Variants in KCNK10 observed in about 807,000 individuals in gnomAD.
The protein encoded by KCNK10 is potassium channel subfamily K member 10.
KCNK10 carries 25 observed loss-of-function variants against 47.7 expected under a neutral mutation model. The observed-to-expected ratio is 0.52, with a 90% CI of 0.38 to 0.73. KCNK10 has a LOEUF of 0.73. Among genes scored for constraint, KCNK10 ranks in the 30% least tolerant of loss-of-function variants. The probability of loss-of-function intolerance (pLI) is 0.00; values close to 1 mark genes in which losing one functional copy is unlikely to be tolerated. For missense variants in KCNK10, 563 were observed against 714.5 expected (o/e 0.79, Z 2.42); for synonymous variants, 303 against 285.6 (o/e 1.06, Z -0.61).
intron 3 of KCNK10, chr14:88,235,202 T>G (rs1183325562): frequency 2.2e-6 from 1 of 456,566 alleles, no homozygotes; most frequent in Non-Finnish European, 4.4e-6. Flanking sequence ...GGTGGTACCC[T>G]GACTCACCCT....
chr14:88,287,448 G>A (rs1312857422), intron 1 of KCNK10, among the ~76,000 whole-genome samples: 2 of 152,090 alleles, frequency 1.3e-5, no homozygotes, highest in African/African-American at 4.8e-5. Context: ...TACCCAATTT[G>A]CTGTCTTTTA....
chr14:88,239,227 C>G (rs991379076), intron 3 of KCNK10, among the ~76,000 whole-genome samples: 7 of 151,734 alleles, frequency 4.6e-5, no homozygotes, highest in African/African-American at 1.7e-4. Flanking sequence ...AACTCAACAT[C>G]TTCAAAGCAC....
intron 2 of KCNK10, among the ~76,000 whole-genome samples, chr14:88,245,409 G>A (rs537913469): frequency 2.0e-5 from 3 of 151,768 alleles, no homozygotes; most frequent in Non-Finnish European, 4.4e-5. Context: ...AGGCGGGTCT[G>A]TAGCTGATGC....
chr14:88,261,053 T>C (rs922740328), intron 2 of KCNK10, among the ~76,000 whole-genome samples: 3 of 152,252 alleles, frequency 2.0e-5, no homozygotes, highest in Non-Finnish European at 2.9e-5. Flanking sequence ...TAAGCTCAGA[T>C]AGCTTGTGAC....
intron 1 of KCNK10, among the ~76,000 whole-genome samples, chr14:88,271,324 C>T (rs1190879989): frequency 6.6e-6 from 1 of 152,196 alleles, no homozygotes; most frequent in Non-Finnish European, 1.5e-5. Context: ...CAAGTTCACA[C>T]ACCTGCCCAA....
intron 2 of KCNK10, among the ~76,000 whole-genome samples, chr14:88,256,119 C>A (rs1429409965): frequency 1.3e-5 from 2 of 152,150 alleles, no homozygotes; most frequent in Non-Finnish European, 2.9e-5. Context: ...TGAGCCCCAG[C>A]TCGGGTTAAG....
chr14:88,206,382 T>C (rs778002343), intron 4 of KCNK10, among the ~76,000 whole-genome samples: 5 of 152,234 alleles, frequency 3.3e-5, no homozygotes, highest in Non-Finnish European at 1.5e-5. Context: ...ACATTTAGCA[T>C]GAGCTTTGAA....
At chr14:88,292,591 T>C (rs577417855) in intron 1 of KCNK10, among the ~76,000 whole-genome samples, 1 of 152,258 alleles carries the variant, frequency 6.6e-6, no homozygotes, top group African/African-American at 2.4e-5. Context: ...CCTGAGGTGA[T>C]GTACCCACCT....
chr14:88,221,694 C>A (rs886998404), intron 4 of KCNK10, among the ~76,000 whole-genome samples: 1 of 152,232 alleles, frequency 6.6e-6, no homozygotes, highest in African/African-American at 2.4e-5. Flanking sequence ...CATCACACAT[C>A]TTTGTATTTA....
At chr14:88,267,262 C>T (rs1289458659) in intron 1 of KCNK10, among the ~76,000 whole-genome samples, 1 of 152,128 alleles carries the variant, frequency 6.6e-6, no homozygotes, top group Non-Finnish European at 1.5e-5. Context: ...ACCTTTTGTG[C>T]ATTTCACTAA....
At chr14:88,197,728 A>G (rs1294891955) in intron 4 of KCNK10, among the ~76,000 whole-genome samples, 1 of 151,662 alleles carries the variant, frequency 6.6e-6, no homozygotes, top group Admixed American at 6.6e-5. Context: ...AAGATTTGGC[A>G]TTTAATTCAT....
At chr14:88,220,600 T>A (rs1595088298) in intron 4 of KCNK10, among the ~76,000 whole-genome samples, 2 of 93,904 alleles carry the variant, frequency 2.1e-5, no homozygotes, top group East Asian at 3.8e-4. Flanking sequence ...GGCGACAACA[T>A]GGAGAAAAAA....
chr14:88,192,869 C>T (rs118134488), intron 4 of KCNK10, among the ~76,000 whole-genome samples: 3,210 of 152,194 alleles, frequency 0.021, 53 homozygotes, highest in Non-Finnish European at 0.031. Flanking sequence ...TCCCTTGTGT[C>T]AAACAGAATA....
intron 2 of KCNK10, among the ~76,000 whole-genome samples, chr14:88,254,962 A>G (rs963802145): frequency 2.0e-5 from 3 of 152,150 alleles, no homozygotes; most frequent in Non-Finnish European, 2.9e-5. Flanking sequence ...ACTCCCCACA[A>G]TCATCCTAAT....
intron 1 of KCNK10, among the ~76,000 whole-genome samples, chr14:88,276,707 T>A (rs939441632): frequency 2.0e-5 from 3 of 152,224 alleles, no homozygotes; most frequent in African/African-American, 7.2e-5. Flanking sequence ...TTCTCTCTGC[T>A]CAGAGTCACA....
At chr14:88,217,953 C>A (rs1033334646) in intron 4 of KCNK10, among the ~76,000 whole-genome samples, 17 of 151,986 alleles carry the variant, frequency 1.1e-4, no homozygotes, top group African/African-American at 4.1e-4. Context: ...AAACTGCTGA[C>A]CTCAAGTGAT....
chr14:88,295,917 TG>T (rs994427358), intron 1 of KCNK10, among the ~76,000 whole-genome samples: 4 of 152,140 alleles, frequency 2.6e-5, no homozygotes, highest in African/African-American at 9.7e-5. Context: ...TTCTGCTCTT[TG>T]GGGGGTCTAA....
intron 1 of KCNK10, among the ~76,000 whole-genome samples, chr14:88,313,635 C>T (rs1888371769): frequency 6.6e-6 from 1 of 152,190 alleles, no homozygotes; most frequent in Non-Finnish European, 1.5e-5. Flanking sequence ...GAAACAGATC[C>T]TCCTGCCCCA....
chr14:88,183,125 G>C lies in KCNK10; in HGVS notation c.*2410C>G, dbSNP rs1230373036. Reference sequence around the variant, plus strand: ...TGAAGTTGAAAGCAGACTTTGGTCAGACTTTGAATACCAGCTCTACCACTT... The same window carrying C: ...TGAAGTTGAAAGCAGACTTTGGTCACACTTTGAATACCAGCTCTACCACTT... On this transcript the variant is annotated 3_prime_UTR_variant, in exon 7 of 7. Coordinates refer to ENST00000319231, the MANE Select transcript of KCNK10 (RefSeq NM_138317.3). 1.3e-5 allele frequency: 2 copies of C among 152,284 alleles called. No individual in the cohort carries two copies. Among genetic ancestry groups the C allele is most frequent in the Non-Finnish European group, 2.9e-5 (2 of 68,044 alleles). 9.4% of individuals were successfully genotyped at this position (152,284 alleles called of 1,614,324 possible).
Sources: gnomAD v4.1 joint callset for allele counts (sites outside exome capture counted in the v4.1 genomes callset) on GRCh38, gnomAD v4.1.1 for gene constraint, MANE v1.5 for transcripts, NCBI Gene and HGNC (gene_info 2026-07-23, HGNC 2026-07-21) for gene names.